The following FER variants were observed in gnomAD, a reference collection of about 807,000 sequenced individuals.
The protein encoded by FER is tyrosine-protein kinase Fer.
FER carries 63 observed loss-of-function variants against 111.0 expected under a neutral mutation model. The ratio of observed to expected loss-of-function variants is 0.57; its 90% CI spans 0.46 to 0.70. FER has a LOEUF of 0.70. FER is among the 30% of genes least tolerant of loss of function. FER has a pLI of 0.00. For synonymous variants in FER, 327 were observed against 313.9 expected (o/e 1.04, Z -0.44); for missense variants, 914 against 954.0 (o/e 0.96, Z 0.55).
intron 3 of FER, among the ~76,000 whole-genome samples, chr5:108,800,298 T>A (rs1303797175): frequency 6.6e-6 from 1 of 152,222 alleles, no homozygotes; most frequent in African/African-American, 2.4e-5. Context: ...TACATTAAAT[T>A]AACAGTTGAA....
chr5:108,751,886 G>A (rs535627860), intron 1 of FER, among the ~76,000 whole-genome samples: 2 of 152,062 alleles, frequency 1.3e-5, no homozygotes, highest in South Asian at 2.1e-4. Context: ...TTCTATACCC[G>A]AGAAATTTGT....
intron 10 of FER, among the ~76,000 whole-genome samples, chr5:108,943,741 T>G (rs1472714150): frequency 6.6e-6 from 1 of 152,130 alleles, no homozygotes; most frequent in African/African-American, 2.4e-5. Flanking sequence ...TTTTTATTTT[T>G]TGTTTGTTTT....
intron 15 of FER, 68 bp from the exon 16 acceptor site, chr5:109,047,036 A>G (rs1772087241): frequency 3.5e-6 from 3 of 848,494 alleles, no homozygotes; most frequent in Middle Eastern, 2.7e-4. Flanking sequence ...TGTAAACCCT[A>G]TTTGTGATCA....
chr5:108,941,290 A>C (rs1222214143), intron 10 of FER, among the ~76,000 whole-genome samples: 1 of 152,324 alleles, frequency 6.6e-6, no homozygotes, highest in Middle Eastern at 3.4e-3. Flanking sequence ...GCCTGTCAAA[A>C]AAAGGAGTGG....
intron 9 of FER, among the ~76,000 whole-genome samples, chr5:108,884,852 C>G (rs142822699): frequency 6.6e-6 from 1 of 151,974 alleles, no homozygotes; most frequent in South Asian, 2.1e-4. Context: ...ATGGGTAGCT[C>G]TAAGATCACA....
intron 10 of FER, among the ~76,000 whole-genome samples, chr5:108,909,075 GGCTTAATT>G (rs1450955453): frequency 2.0e-5 from 3 of 152,084 alleles, no homozygotes; most frequent in Non-Finnish European, 2.9e-5. Context: ...TCTATCTGGC[GGCTTAATT>G]GTGGGTAGAT....
At chr5:108,813,334 G>A (rs557494388) in intron 3 of FER, among the ~76,000 whole-genome samples, 3 of 152,116 alleles carry the variant, frequency 2.0e-5, no homozygotes, top group African/African-American at 7.2e-5. Context: ...CTGATGTTAA[G>A]CAATTCATTA....
intron 16 of FER, among the ~76,000 whole-genome samples, chr5:109,070,402 A>G (rs1775634303): frequency 6.6e-6 from 1 of 152,026 alleles, no homozygotes; most frequent in Non-Finnish European, 1.5e-5. Context: ...AAACATCACC[A>G]TGTTTGGTGA....
At chr5:108,888,404 G>A (rs764386820) in intron 9 of FER, among the ~76,000 whole-genome samples, 1 of 151,810 alleles carries the variant, frequency 6.6e-6, no homozygotes, top group East Asian at 1.9e-4. Flanking sequence ...TATTATCATT[G>A]CTGTGAAATA....
chr5:108,803,159 A>G (rs1031774182), intron 3 of FER, among the ~76,000 whole-genome samples: 2 of 152,020 alleles, frequency 1.3e-5, no homozygotes, highest in Non-Finnish European at 1.5e-5. Flanking sequence ...AGAAGTATCT[A>G]TTAATGTCCT....
chr5:108,907,652 G>C (rs1461557503), intron 10 of FER, among the ~76,000 whole-genome samples: 1 of 151,914 alleles, frequency 6.6e-6, no homozygotes, highest in Non-Finnish European at 1.5e-5. Context: ...TGGAATAGTA[G>C]ACAGAGTCTC....
At chr5:108,973,324 T>C (rs1760921130) in intron 13 of FER, among the ~76,000 whole-genome samples, 1 of 152,168 alleles carries the variant, frequency 6.6e-6, no homozygotes. Flanking sequence ...CCACATTCTA[T>C]TTTATGTAGA....
rs772803921 is a variant in FER at position 109,180,705 on chromosome 5, A to C, written c.2049-42A>C. ...ATCATAAATGTGAAAGTGGCTTTCA[A>C]TTTGTTTTAATAGGCGTTTTCTGTG... On this transcript the variant is annotated intron_variant, in intron 17 of 19. Transcript: ENST00000281092. 15 of 1,555,376 alleles carry C rather than the reference A, an allele frequency of 9.6e-6. No individual in the cohort carries two copies. The Admixed American group carries it at 2.8e-4, about 29-fold the overall frequency.
intron 6 of FER, among the ~76,000 whole-genome samples, chr5:108,870,262 TAGG>T (rs1764476304): frequency 6.6e-6 from 1 of 152,110 alleles, no homozygotes; most frequent in Non-Finnish European, 1.5e-5. Context: ...CATATAATAT[TAGG>T]AGATGTTTTT....
chr5:108,854,873 G>A (rs779952465), intron 5 of FER, among the ~76,000 whole-genome samples: 3 of 150,812 alleles, frequency 2.0e-5, no homozygotes, highest in Admixed American at 6.6e-5. Context: ...GACCCAGGAG[G>A]CGGAGGTTGC....
chr5:108,998,189 A>C (rs1764251403), intron 13 of FER, among the ~76,000 whole-genome samples: 1 of 151,378 alleles, frequency 6.6e-6, no homozygotes, highest in African/African-American at 2.4e-5. Context: ...GTATGAAAAA[A>C]AAAAAAAAAA....
intron 13 of FER, among the ~76,000 whole-genome samples, chr5:109,026,959 G>A (rs1011025022): frequency 2.0e-5 from 3 of 152,082 alleles, no homozygotes; most frequent in Admixed American, 6.5e-5. Context: ...GATTACAGGC[G>A]TGAGCCACCA....
At chr5:109,030,285 A>G (rs1769412475) in intron 13 of FER, among the ~76,000 whole-genome samples, 1 of 152,180 alleles carries the variant, frequency 6.6e-6, no homozygotes, top group Admixed American at 6.5e-5. Flanking sequence ...CTCGTCAGGT[A>G]ATTCCAACAT....
chr5:108,923,253 T>C (rs537109371), intron 10 of FER, among the ~76,000 whole-genome samples: 1 of 152,104 alleles, frequency 6.6e-6, no homozygotes, highest in African/African-American at 2.4e-5. Context: ...GGACGTGATA[T>C]AAAGAATGGT....
Sources: gnomAD v4.1 joint callset for allele counts (sites outside exome capture counted in the v4.1 genomes callset) on GRCh38, gnomAD v4.1.1 for gene constraint, MANE v1.5 for transcripts, NCBI Gene and HGNC (gene_info 2026-07-23, HGNC 2026-07-21) for gene names.